CPEB4: variants seen among roughly 807,000 people sequenced by gnomAD.
The protein encoded by CPEB4 is cytoplasmic polyadenylation element-binding protein 4.
Under a neutral mutation model 72.5 loss-of-function variants are expected in CPEB4, and 12 were observed. The ratio of observed to expected loss-of-function variants is 0.17; its 90% CI spans 0.11 to 0.27. CPEB4 has a LOEUF of 0.27. CPEB4 is among the 10% of genes least tolerant of loss of function. The probability of loss-of-function intolerance (pLI) is 1.00; values close to 1 mark genes in which losing one functional copy is unlikely to be tolerated. For synonymous variants in CPEB4, 302 were observed against 326.3 expected (o/e 0.93, Z 0.80); for missense variants, 614 against 908.5 (o/e 0.68, Z 4.17).
chr5:173,889,723 A>C lies in CPEB4; in HGVS notation c.-11A>C. 1 of 1,549,388 alleles carries C rather than the reference A, an allele frequency of 6.5e-7. No individual in the cohort carries two copies. The highest frequency in any genetic ancestry group is 8.7e-7 in the Non-Finnish European group (1 of 1,149,162). ...TTTTTTATTGTGAGATTCTGCTCCT[A>C]AAGATAATAAATGGGGGATTACGGG... On this transcript the variant is annotated 5_prime_UTR_variant, in exon 1 of 10. Transcript: ENST00000265085.
chr5:173,956,709 G>GT lies in CPEB4; in HGVS notation c.*574dup. 1 of 147,798 alleles carries GT rather than the reference G, an allele frequency of 6.8e-6. No homozygotes were observed. 9.2% of individuals were successfully genotyped at this position (147,798 alleles called of 1,614,324 possible). A position where few individuals can be genotyped will look rare whatever the true frequency, so the allele number is the denominator to read the frequency against. On this transcript the variant is annotated 3_prime_UTR_variant, in exon 10 of 10. Transcript: ENST00000265085. The stretch of plus-strand genomic sequence containing the variant: ...TAACAATTTTTAATGGAAAGAGCAT[G>GT]TTAGAGCAAACAAATGCATAAGCAA...
chr5:173,949,876 T>C, intron 6 of CPEB4, 84 bp from the exon 7 acceptor site: 1 of 937,992 alleles, frequency 1.1e-6, no homozygotes, highest in Non-Finnish European at 1.7e-6. Context: ...TTTCCTTTCT[T>C]TAGTTTTGTG....
At chr5:173,906,442 C>G (rs1020494090) in intron 1 of CPEB4, among the ~76,000 whole-genome samples, 25 of 152,198 alleles carry the variant, frequency 1.6e-4, no homozygotes, top group Non-Finnish European at 2.1e-4. Flanking sequence ...GGCTTTTGAA[C>G]TCTTTGAATT....
chr5:173,890,978 A>C, intron 1 of CPEB4, 120 bp downstream of exon 1: 2 of 940,514 alleles, frequency 2.1e-6, no homozygotes, highest in Non-Finnish European at 3.1e-6. Flanking sequence ...AGAGAAAATG[A>C]ATCAATAACC....
At chr5:173,908,239 A>G (rs1030331963) in intron 1 of CPEB4, among the ~76,000 whole-genome samples, 1 of 152,224 alleles carries the variant, frequency 6.6e-6, no homozygotes, top group Admixed American at 6.5e-5. Context: ...ACTAAACCTT[A>G]GTCTGATCCT....
At chr5:173,928,721 A>C (rs1447476897) in intron 2 of CPEB4, among the ~76,000 whole-genome samples, 1 of 152,184 alleles carries the variant, frequency 6.6e-6, no homozygotes, top group Admixed American at 6.5e-5. Context: ...CGAGAGTGCA[A>C]AAAGGTTGTA....
Position 173,956,150 on chromosome 5 carries a change from G to T in CPEB4, c.*13G>T. ...CCGCTGGAACTAAAGGATAACTGCA[G>T]TGCTCATTTTCAGGCCTCAGAATAA... On this transcript the variant is annotated 3_prime_UTR_variant, in exon 10 of 10. Coordinates refer to ENST00000265085, the MANE Select transcript of CPEB4 (RefSeq NM_030627.4). 2.5e-6 allele frequency: 4 copies of T among 1,607,996 alleles called. No individual in the cohort carries two copies. The highest frequency in any genetic ancestry group is 3.4e-6 in the Non-Finnish European group (4 of 1,174,768).
rs186835275 is a variant in CPEB4, at chr5:173,928,978, A to G, written c.1208-3472A>G. Among the ~76,000 whole-genome samples the G allele has an allele frequency of 6.6e-5, 10 of 152,370 alleles. No individual in the cohort carries two copies. In the East Asian group the frequency reaches 1.7e-3, roughly 26 times the overall value. ...ATAGCTGATTGTTTAACAGAATGTC[A>G]CAGGTGTGTTTGCTACTAGAGACCA... is the stretch of plus-strand genomic sequence containing the variant. On this transcript the variant is annotated intron_variant, in intron 2 of 9. Transcript: ENST00000265085.
intron 1 of CPEB4, among the ~76,000 whole-genome samples, chr5:173,892,130 G>A (rs1561602218): frequency 6.6e-6 from 1 of 152,156 alleles, no homozygotes; most frequent in South Asian, 2.1e-4. Context: ...GTTAGCCCTA[G>A]CAGAATTATC....
At chr5:173,909,410 G>GC (rs1488628043) in intron 1 of CPEB4, among the ~76,000 whole-genome samples, 2 of 152,186 alleles carry the variant, frequency 1.3e-5, no homozygotes, top group Admixed American at 6.5e-5. Context: ...TGCTTCAGCA[G>GC]TTCTCTATTG....
At chr5:173,906,975 A>G (rs1222011619) in intron 1 of CPEB4, among the ~76,000 whole-genome samples, 2 of 152,182 alleles carry the variant, frequency 1.3e-5, no homozygotes, top group Non-Finnish European at 2.9e-5. Context: ...CCACATTTAA[A>G]AACCTATAGG....
rs532383453 is a variant in CPEB4 at position 173,945,715 on chromosome 5, T to C, written c.1456+575T>C. On this transcript the variant is annotated intron_variant, in intron 5 of 9. Transcript: ENST00000265085. Reference sequence around the variant, plus strand: ...CAAGAAAATACTGGAGAGCAAGTGTTGAAAAGCACACAGCAGGATGATGTA... The same window carrying C: ...CAAGAAAATACTGGAGAGCAAGTGTCGAAAAGCACACAGCAGGATGATGTA... 2.0e-5 allele frequency among the ~76,000 whole-genome samples: 3 copies of C among 152,332 alleles called. No individual in the cohort carries two copies. In the East Asian group the frequency reaches 5.8e-4, roughly 29 times the overall value.
Position 173,960,273 on chromosome 5 carries a change from A to C in CPEB4, c.*4136A>C, listed in dbSNP as rs1758506770. On this transcript the variant is annotated 3_prime_UTR_variant, in exon 10 of 10. Coordinates refer to ENST00000265085, the MANE Select transcript of CPEB4 (RefSeq NM_030627.4). ...ATGCATATAATTTTTAAATATTTGTAATGTGAGATGTTGAATGAATAAAAC... is the reference window on the plus strand; with the variant it reads ...ATGCATATAATTTTTAAATATTTGTCATGTGAGATGTTGAATGAATAAAAC... 1 of 152,618 alleles carries C rather than the reference A, an allele frequency of 6.6e-6. No homozygotes were observed. Among genetic ancestry groups the C allele is most frequent in the African/African-American group, 2.4e-5 (1 of 41,434 alleles). 9.5% of individuals were successfully genotyped at this position (152,618 alleles called of 1,614,324 possible).
intron 1 of CPEB4, among the ~76,000 whole-genome samples, chr5:173,902,256 G>A (rs1056057345): frequency 6.6e-6 from 1 of 152,122 alleles, no homozygotes; most frequent in Admixed American, 6.5e-5. Flanking sequence ...ACCAGGGAAA[G>A]TTTAAGCCAG....
At chr5:173,927,593 A>G (rs1757291210) in intron 2 of CPEB4, among the ~76,000 whole-genome samples, 1 of 152,178 alleles carries the variant, frequency 6.6e-6, no homozygotes, top group African/African-American at 2.4e-5. Flanking sequence ...CTAGCCGGGT[A>G]TGGTGAAACC....
At chr5:173,920,474 G>A (rs1272717649) in intron 2 of CPEB4, among the ~76,000 whole-genome samples, 2 of 152,182 alleles carry the variant, frequency 1.3e-5, no homozygotes, top group Non-Finnish European at 2.9e-5. Context: ...CTAAATAGAG[G>A]TATTTAAACC....
At position 173,890,213 on chromosome 5, in the gene CPEB4, T is replaced by G. The variant is rs1300017299; in HGVS notation, c.480T>G (p.Ser160=). The stretch of plus-strand genomic sequence containing the variant: ...GTACTTCAACCCAACCCTTGACATC[T>G]AGCGCATCGTCTCTTACTGGTTTCA... The part of the protein sequence containing the change: ...GLGTSTQPLT[S]SASSLTGFSN... The change falls in exon 1 of 10, where the codon TCT becomes TCG. Residue 160 remains serine, a synonymous_variant. Coordinates refer to ENST00000265085, the MANE Select transcript of CPEB4 (RefSeq NM_030627.4). 3.1e-6 allele frequency: 5 copies of G among 1,614,064 alleles called. No homozygotes were observed. The highest frequency in any genetic ancestry group is 4.2e-6 in the Non-Finnish European group (5 of 1,180,036).
rs969163751 is a variant in CPEB4, at chr5:173,959,808, C to T, written c.*3671C>T. On this transcript the variant is annotated 3_prime_UTR_variant, in exon 10 of 10. Coordinates refer to ENST00000265085, the MANE Select transcript of CPEB4 (RefSeq NM_030627.4). ...GTAAGAATCGGGACAATATTGTATT[C>T]AACTGTTTTATTTTTTATATTTTTA... The T allele has an allele frequency of 2.0e-4, 31 of 152,244 alleles. No homozygotes were observed. Among genetic ancestry groups the T allele is most frequent in the African/African-American group, 7.2e-4 (30 of 41,498 alleles). The allele number at this position is 152,244 out of a possible 1,614,324, so 9.4% of individuals were successfully genotyped here.
intron 1 of CPEB4, among the ~76,000 whole-genome samples, chr5:173,893,607 G>C (rs1410680116): frequency 6.6e-6 from 1 of 152,150 alleles, no homozygotes; most frequent in Non-Finnish European, 1.5e-5. Context: ...CCTTAGGCGT[G>C]ATAGAGAGAT....
Sources: gnomAD v4.1 joint callset for allele counts (sites outside exome capture counted in the v4.1 genomes callset) on GRCh38, gnomAD v4.1.1 for gene constraint, MANE v1.5 for transcripts, NCBI Gene and HGNC (gene_info 2026-07-23, HGNC 2026-07-21) for gene names.